Variants in NMNAT3 observed in about 807,000 individuals in gnomAD.
NMNAT3 encodes nicotinamide nucleotide adenylyltransferase 3, also known as nicotinamide/nicotinic acid mononucleotide adenylyltransferase 3.
In NMNAT3, 21 loss-of-function variants were observed where a neutral mutation model predicts 24.8. The ratio of observed to expected loss-of-function variants is 0.85; its 90% CI spans 0.60 to 1.22. NMNAT3 has a LOEUF of 1.22. Among genes scored for constraint, NMNAT3 ranks in the 50% most tolerant of loss-of-function variants. The pLI is 0.00. For synonymous variants in NMNAT3, 136 were observed against 155.2 expected (o/e 0.88, Z 0.92); for missense variants, 387 against 436.6 (o/e 0.89, Z 1.01).
At chr3:139,651,872 CA>C (rs1374964118) in intron 1 of NMNAT3, among the ~76,000 whole-genome samples, 1 of 152,174 alleles carries the variant, frequency 6.6e-6, no homozygotes, top group Non-Finnish European at 1.5e-5. Context: ...TCTGCTATTC[CA>C]AAGTCAGTGT....
intron 3 of NMNAT3, among the ~76,000 whole-genome samples, chr3:139,597,448 C>T (rs952637852): frequency 1.3e-5 from 2 of 152,084 alleles, no homozygotes; most frequent in Non-Finnish European, 1.5e-5. Context: ...TCCTTGAATA[C>T]CTAGGATAAA....
chr3:139,589,035 T>C (rs2054059745), intron 3 of NMNAT3, among the ~76,000 whole-genome samples: 1 of 152,090 alleles, frequency 6.6e-6, no homozygotes. Flanking sequence ...GTGGACAGTC[T>C]AGGAAGAGAC....
At chr3:139,621,501 A>G (rs1413262790) in intron 3 of NMNAT3, among the ~76,000 whole-genome samples, 1 of 152,132 alleles carries the variant, frequency 6.6e-6, no homozygotes, top group African/African-American at 2.4e-5. Flanking sequence ...CCTCCCGAGT[A>G]GCTGTGATTA....
chr3:139,657,812 T>C (rs921596393), intron 1 of NMNAT3, among the ~76,000 whole-genome samples: 5 of 149,108 alleles, frequency 3.4e-5, no homozygotes, highest in African/African-American at 1.2e-4. Context: ...TTGGGGGTTT[T>C]GCTGTGGGGG....
chr3:139,663,131 G>A (rs1000282172), intron 1 of NMNAT3, among the ~76,000 whole-genome samples: 1 of 152,218 alleles, frequency 6.6e-6, no homozygotes, highest in Non-Finnish European at 1.5e-5. Context: ...CTCTGGGGGA[G>A]AATCTATTCT....
chr3:139,653,607 G>A (rs1404398019), intron 1 of NMNAT3, among the ~76,000 whole-genome samples: 1 of 152,206 alleles, frequency 6.6e-6, no homozygotes, highest in Non-Finnish European at 1.5e-5. Flanking sequence ...GAGGATGCCC[G>A]AGAGGGCTCA....
intron 3 of NMNAT3, among the ~76,000 whole-genome samples, chr3:139,606,022 T>G (rs1053438731): frequency 6.6e-6 from 1 of 152,160 alleles, no homozygotes; most frequent in Admixed American, 6.5e-5. Flanking sequence ...AATTTTAGAC[T>G]TATGAGTGTT....
chr3:139,666,018 A>G (rs1439017560), intron 1 of NMNAT3, among the ~76,000 whole-genome samples: 2 of 152,180 alleles, frequency 1.3e-5, no homozygotes, highest in African/African-American at 4.8e-5. Flanking sequence ...TAAATATGTT[A>G]CCTATCAAAA....
At chr3:139,626,197 T>G (rs2056041543) in intron 3 of NMNAT3, among the ~76,000 whole-genome samples, 2 of 152,150 alleles carry the variant, frequency 1.3e-5, no homozygotes, top group Non-Finnish European at 2.9e-5. Context: ...TCTTCAAATA[T>G]TTTTTCTAGT....
rs151027135 is a variant in NMNAT3, at chr3:139,618,544, C to T, written c.109+9072G>A. Among the ~76,000 whole-genome samples the T allele has an allele frequency of 8.3e-4, 126 of 152,268 alleles. No individual in the cohort carries two copies. In the Middle Eastern group the frequency reaches 0.01, roughly 12 times the overall value. On this transcript the variant is annotated intron_variant, in intron 3 of 6. Coordinates refer to ENST00000643695, the MANE Select transcript of NMNAT3 (RefSeq NM_001320510.2). ...CAAACCAGGAAGATACTATTAATTT[C>T]TATTTAAAGTTACTAAACAAACTGT...
chr3:139,561,019 C>T lies in NMNAT3; in HGVS notation c.1032G>A (p.Lys344=). The T allele has an allele frequency of 6.2e-7, 1 of 1,611,932 alleles. No individual in the cohort carries two copies. Among genetic ancestry groups the T allele is most frequent in the Non-Finnish European group, 8.5e-7 (1 of 1,178,994 alleles). Residue 344 remains lysine (K), a synonymous_variant, in exon 7 of 7, where the codon AAG becomes AAA. Transcript: ENST00000643695. The stretch of plus-strand genomic sequence containing the variant: ...GCTGAGTCCCCCCTCCCTAGCTTGT[C>T]TTGCCCTCAGTGCTCTGGGTGCTTT...
In NMNAT3 at chr3:139,677,845, T is replaced by G. The variant is rs1310047451; in HGVS notation, c.-281A>C. 1 of 152,030 alleles carries G rather than the reference T, an allele frequency of 6.6e-6. No individual in the cohort carries two copies. Among genetic ancestry groups the G allele is most frequent in the East Asian group, 1.9e-4 (1 of 5,152 alleles). 9.4% of individuals were successfully genotyped at this position (152,030 alleles called of 1,614,324 possible). ...GGTCCGAGAGGGAAACGACGTTTGG[T>G]CTCGGGACTCAAGGCTGCCTCCGGC... On this transcript the variant is annotated 5_prime_UTR_variant, in exon 1 of 7. Transcript: ENST00000643695.
chr3:139,601,137 AG>A (rs2054696041), intron 3 of NMNAT3, among the ~76,000 whole-genome samples: 1 of 152,332 alleles, frequency 6.6e-6, no homozygotes, highest in Admixed American at 6.5e-5. Context: ...CTCCTGCTGA[AG>A]GCAAGCTGCT....
At chr3:139,605,609 C>T (rs540432727) in intron 3 of NMNAT3, among the ~76,000 whole-genome samples, 4 of 152,190 alleles carry the variant, frequency 2.6e-5, no homozygotes, top group Non-Finnish European at 5.9e-5. Context: ...TCACAAAAAT[C>T]TCAAAAGCCA....
intron 3 of NMNAT3, among the ~76,000 whole-genome samples, chr3:139,583,850 C>T (rs1263576003): frequency 1.3e-5 from 2 of 152,260 alleles, no homozygotes; most frequent in African/African-American, 4.8e-5. Context: ...CCGAGCCACG[C>T]GACGGGCTGT....
chr3:139,583,412 C>T (rs554280039), intron 3 of NMNAT3: 745 of 1,582,196 alleles, frequency 4.7e-4, no homozygotes, highest in Non-Finnish European at 6.1e-4. Flanking sequence ...GGAACCACCA[C>T]ATTTGAGACA....
chr3:139,626,224 C>T (rs1392197458), intron 3 of NMNAT3, among the ~76,000 whole-genome samples: 3 of 151,908 alleles, frequency 2.0e-5, no homozygotes, highest in African/African-American at 7.2e-5. Flanking sequence ...TTTGTTTTCC[C>T]CTTCTGGGAT....
At position 139,596,111 on chromosome 3, in the gene NMNAT3, C is replaced by T. The variant is rs977583617; in HGVS notation, c.110-12903G>A. 3.9e-5 allele frequency among the ~76,000 whole-genome samples: 6 copies of T among 152,308 alleles called. No individual in the cohort carries two copies. The East Asian group carries it at 9.7e-4, about 25-fold the overall frequency. ...CTACTTTGGAACTGCAGTCCCTTTT[C>T]GTATGACCTATGGTTTTTCTCTGAC... On this transcript the variant is annotated intron_variant, in intron 3 of 6. Transcript: ENST00000643695.
intron 1 of NMNAT3, among the ~76,000 whole-genome samples, chr3:139,651,829 T>G (rs555151338): frequency 2.0e-5 from 3 of 152,300 alleles, no homozygotes; most frequent in Non-Finnish European, 4.4e-5. Context: ...CAGCCATAAC[T>G]CAGTGCTCCT....
Sources: allele counts gnomAD v4.1 joint callset (sites outside exome capture counted in the v4.1 genomes callset), GRCh38; gene constraint gnomAD v4.1.1; transcripts MANE v1.5; gene names NCBI Gene and HGNC (gene_info 2026-07-23, HGNC 2026-07-21).